ARID4B: variants seen among roughly 807,000 people sequenced by gnomAD.
The protein encoded by ARID4B is AT-rich interactive domain-containing protein 4B.
A neutral mutation model predicts 147.5 loss-of-function variants in ARID4B; 26 were observed. The observed-to-expected ratio is 0.18, with a 90% CI of 0.13 to 0.24. The LOEUF (loss-of-function observed/expected upper bound fraction) is 0.24. Ranked by LOEUF, ARID4B falls within the 10% of genes least tolerant of loss-of-function variation. The probability of loss-of-function intolerance (pLI) is 1.00; values close to 1 mark genes in which losing one functional copy is unlikely to be tolerated. For synonymous variants in ARID4B, 512 were observed against 507.9 expected, an observed-to-expected ratio of 1.01 and a Z score of -0.11; for missense variants, 1,179 against 1,511.5, an observed-to-expected ratio of 0.78 and a Z score of 3.65.
intron 8 of ARID4B, among the ~76,000 whole-genome samples, chr1:235,237,961 A>ACCGAC (rs1668715858): frequency 2.6e-5 from 4 of 151,688 alleles, no homozygotes; most frequent in Admixed American, 2.6e-4. Context: ...GACCAGCCTG[A>ACCGAC]CCGACATGGA....
rs532708264 is a variant in ARID4B, at chr1:235,325,004, T to C, written c.6+1910A>G. On this transcript the variant is annotated intron_variant, in intron 2 of 23. Coordinates refer to ENST00000264183, the MANE Select transcript of ARID4B (RefSeq NM_016374.6). Reference sequence around the variant, plus strand: ...CACTCAACATTAAATAGATTCTGAATTGCAATTTTTGCTAAAGCAAAATAC... The same window carrying C: ...CACTCAACATTAAATAGATTCTGAACTGCAATTTTTGCTAAAGCAAAATAC... Among the ~76,000 whole-genome samples the C allele has an allele frequency of 2.0e-5, 3 of 152,330 alleles. No individual in the cohort carries two copies. The East Asian group carries it at 5.8e-4, about 29-fold the overall frequency.
At chr1:235,293,859 C>T (rs1400971473) in intron 2 of ARID4B, among the ~76,000 whole-genome samples, 2 of 152,112 alleles carry the variant, frequency 1.3e-5, no homozygotes, top group Non-Finnish European at 2.9e-5. Flanking sequence ...CTTTCTCCTC[C>T]ACCAGAAAAA....
At chr1:235,271,115 G>A (rs1670956216) in intron 2 of ARID4B, among the ~76,000 whole-genome samples, 1 of 152,120 alleles carries the variant, frequency 6.6e-6, no homozygotes, top group African/African-American at 2.4e-5. Flanking sequence ...CACTTCGGGA[G>A]ACCAAGGCAG....
chr1:235,299,503 T>C (rs1178810015), intron 2 of ARID4B, among the ~76,000 whole-genome samples: 1 of 152,228 alleles, frequency 6.6e-6, no homozygotes, highest in Non-Finnish European at 1.5e-5. Flanking sequence ...AACTGTGTTT[T>C]TGAAATTATC....
intron 9 of ARID4B, among the ~76,000 whole-genome samples, chr1:235,233,007 T>C (rs1668339625): frequency 1.3e-5 from 2 of 152,128 alleles, no homozygotes; most frequent in South Asian, 4.2e-4. Context: ...CTGGCTAATT[T>C]TTGTATTTTT....
At chr1:235,321,108 G>A (rs1017502673) in intron 2 of ARID4B, among the ~76,000 whole-genome samples, 2 of 152,166 alleles carry the variant, frequency 1.3e-5, no homozygotes, top group South Asian at 4.1e-4. Flanking sequence ...AGTACACAAT[G>A]TGTTCAATGA....
At chr1:235,247,328 C>T (rs1271578412) in intron 6 of ARID4B, among the ~76,000 whole-genome samples, 1 of 152,082 alleles carries the variant, frequency 6.6e-6, no homozygotes, top group African/African-American at 2.4e-5. Context: ...AATTAAAGAG[C>T]AGGCATCTAA....
At position 235,210,953 on chromosome 1, in the gene ARID4B, A is replaced by T. The variant is rs1666678017; in HGVS notation, c.1841+2816T>A. The stretch of plus-strand genomic sequence containing the variant: ...AGTCAATCTTTTCTTAACAAAACAA[A>T]GCTATATCTTAATTGTAAAACAGTT... On this transcript the variant is annotated intron_variant, in intron 17 of 23. Coordinates refer to ENST00000264183, the MANE Select transcript of ARID4B (RefSeq NM_016374.6). Among the ~76,000 whole-genome samples the T allele has an allele frequency of 3.3e-5, 5 of 152,338 alleles. No individual in the cohort carries two copies. In the South Asian group the frequency reaches 1.0e-3, roughly 32 times the overall value.
chr1:235,237,753 T>C (rs1382013141), intron 8 of ARID4B, among the ~76,000 whole-genome samples: 1 of 152,244 alleles, frequency 6.6e-6, no homozygotes, highest in Non-Finnish European at 1.5e-5. Flanking sequence ...GACAGTGTTT[T>C]AATCCCATTT....
intron 11 of ARID4B, among the ~76,000 whole-genome samples, chr1:235,225,818 G>C (rs1480456810): frequency 1.3e-5 from 2 of 152,108 alleles, no homozygotes; most frequent in Non-Finnish European, 1.5e-5. Flanking sequence ...TAATTTAAAA[G>C]CTAGTACAAC....
chr1:235,182,678 A>T lies in ARID4B; in HGVS notation c.2241T>A (p.Asp747Glu). 6.2e-7 allele frequency: 1 copy of T among 1,613,816 alleles called. No homozygotes were observed. The highest frequency in any genetic ancestry group is 2.2e-5 in the East Asian group (1 of 44,868). ...TGTTCTGTTCCTCCTTTGAAATAAG[A>T]TCATTTCTGTTGTTGGTCAAATGAT... ...KIDHLTNNRN[D>E]LISKEEQNSS... The change falls in exon 20 of 24, where the codon GAT becomes GAA. Residue 747 changes from aspartate (D) to glutamate (E), a missense_variant. Physicochemically the swap from Asp to Glu is conservative, Grantham distance 45. This residue lies in a region of ARID4B where 321 missense variants were observed against 342.4 expected (regional missense o/e 0.94). Transcript: ENST00000264183.
At chr1:235,250,599 C>T (rs1418008078) in intron 6 of ARID4B, among the ~76,000 whole-genome samples, 1 of 152,084 alleles carries the variant, frequency 6.6e-6, no homozygotes, top group Non-Finnish European at 1.5e-5. Flanking sequence ...GGAGTAAGTA[C>T]CCAAAGATAA....
chr1:235,177,762 T>A (rs1197343402), intron 21 of ARID4B, 38 bp downstream of exon 21: 1 of 1,375,866 alleles, frequency 7.3e-7, no homozygotes. Flanking sequence ...TATCAGCTAT[T>A]ATTTTTATAT....
rs1481117721 is a variant in ARID4B, at chr1:235,260,711, C to T, written c.48G>A (p.Val16=). 1 of 1,611,366 alleles carries T rather than the reference C, an allele frequency of 6.2e-7. No homozygotes were observed. Among genetic ancestry groups the T allele is most frequent in the African/African-American group, 1.3e-5 (1 of 74,776 alleles). ...EPPYLTVGTD[V]SAKYRGAFCE... is the part of the protein sequence containing the mutation. ...AAAAGGCTCCTCTGTATTTAGCACT[C>T]ACATCAGTGCCCACTGTCAAATAGG... Residue 16 remains valine (V), a synonymous_variant, in exon 3 of 24, where the codon GTG becomes GTA. Coordinates refer to ENST00000264183, the MANE Select transcript of ARID4B (RefSeq NM_016374.6).
Position 235,255,267 on chromosome 1 carries a change from A to AGATAGATC in ARID4B, c.274+392_274+393insGATCTATC, listed in dbSNP as rs1553304359. Among the ~76,000 whole-genome samples the AGATAGATC allele has an allele frequency of 1.1e-3, 152 of 137,242 alleles. 1 individual carries two copies. Among genetic ancestry groups the AGATAGATC allele is most frequent in the East Asian group, 1.0e-3 (5 of 4,770 alleles). The allele number at this position is 137,242 out of a possible 152,430, so 90.0% of individuals were successfully genotyped here. ...GATAGATAGATAGATAGATAGATAT[A>AGATAGATC]TATCTCTCTCTCTCTCTCTCTATAT... On this transcript the variant is annotated intron_variant, in intron 5 of 23. Coordinates refer to ENST00000264183, the MANE Select transcript of ARID4B (RefSeq NM_016374.6).
intron 3 of ARID4B, among the ~76,000 whole-genome samples, chr1:235,257,532 G>T (rs1442715107): frequency 6.6e-6 from 1 of 150,970 alleles, no homozygotes; most frequent in African/African-American, 2.4e-5. Flanking sequence ...GCCCAGGTTG[G>T]AGTGCAGTAG....
At chr1:235,269,608 T>C (rs72756102) in intron 2 of ARID4B, among the ~76,000 whole-genome samples, 19,667 of 152,182 alleles carry the variant, frequency 0.13, 1,483 homozygotes, top group African/African-American at 0.2. Context: ...TACATACATA[T>C]GTACACATAT....
At chr1:235,217,306 A>T (rs916477849) in intron 16 of ARID4B, among the ~76,000 whole-genome samples, 27 of 152,176 alleles carry the variant, frequency 1.8e-4, no homozygotes, top group African/African-American at 6.3e-4. Context: ...AATGTGCTAA[A>T]CCAGATGGAA....
At position 235,175,418 on chromosome 1, in the gene ARID4B, A is replaced by AAT; in HGVS notation, c.3449-20_3449-19insAT. 1 of 1,568,360 alleles carries AAT rather than the reference A, an allele frequency of 6.4e-7. No individual in the cohort carries two copies. The highest frequency in any genetic ancestry group is 1.1e-5 in the South Asian group (1 of 87,434). On this transcript the variant is annotated intron_variant, in intron 21 of 23. Coordinates refer to ENST00000264183, the MANE Select transcript of ARID4B (RefSeq NM_016374.6). ...CTATTTGCTGAAAGAGAAAGAAAAGATTTAATAAACAAAAATGTAACAATA... is the reference window on the plus strand; with the variant it reads ...CTATTTGCTGAAAGAGAAAGAAAAGAATTTTAATAAACAAAAATGTAACAATA...
Sources: gnomAD v4.1 joint callset for allele counts (sites outside exome capture counted in the v4.1 genomes callset) on GRCh38, gnomAD v4.1.1 for gene constraint, gnomAD v4.1.1 regional missense constraint, MANE v1.5 for transcripts, NCBI Gene and HGNC (gene_info 2026-07-23, HGNC 2026-07-21) for gene names.